Variants in FAM81A observed in about 807,000 individuals in gnomAD.
FAM81A encodes protein FAM81A.
Under a neutral mutation model 46.7 loss-of-function variants are expected in FAM81A, and 19 were observed. The ratio of observed to expected loss-of-function variants is 0.41; its 90% CI spans 0.28 to 0.60. FAM81A has a LOEUF of 0.60. Among genes scored for constraint, FAM81A ranks in the 20% least tolerant of loss-of-function variants. The pLI, the probability that FAM81A is intolerant of heterozygous loss-of-function variation, is 0.34. For synonymous variants in FAM81A, 183 were observed against 152.9 expected, an observed-to-expected ratio of 1.20 and a Z score of -1.45; for missense variants, 377 against 453.5, an observed-to-expected ratio of 0.83 and a Z score of 1.53.
chr15:59,441,431 T>C (rs1460693268), intron 1 of FAM81A, among the ~76,000 whole-genome samples: 1 of 152,262 alleles, frequency 6.6e-6, no homozygotes, highest in African/African-American at 2.4e-5. Flanking sequence ...AAGTTTTCCA[T>C]TTTAGTAAAT....
intron 1 of FAM81A, chr15:59,439,195 A>G (rs1472335505): frequency 6.6e-6 from 1 of 152,116 alleles, no homozygotes; most frequent in Admixed American, 6.5e-5. Context: ...ATTATTTCAT[A>G]GGAGTAACCA....
At chr15:59,398,759 G>GAAAAAAAAA (rs71119468) in intron 1 of FAM81A, among the ~76,000 whole-genome samples, 2 of 41,408 alleles carry the variant, frequency 4.8e-5, no homozygotes, top group Admixed American at 4.3e-4. Flanking sequence ...CTCTGTCTCA[G>GAAAAAAAAA]AAAAAAAAAA....
chr15:59,447,497 G>C (rs1328105179), intron 1 of FAM81A, among the ~76,000 whole-genome samples: 1 of 152,218 alleles, frequency 6.6e-6, no homozygotes, highest in African/African-American at 2.4e-5. Context: ...GAAGGAGACA[G>C]AGTGTGCTTA....
At chr15:59,399,240 A>C (rs1290895821) in intron 1 of FAM81A, among the ~76,000 whole-genome samples, 2 of 152,304 alleles carry the variant, frequency 1.3e-5, no homozygotes, top group East Asian at 3.9e-4. Flanking sequence ...GAAGGGGAAG[A>C]AAGGCATGTC....
At chr15:59,516,580 T>G (rs1222601125) in intron 7 of FAM81A, 65 bp from the exon 8 acceptor site, 4 of 1,495,500 alleles carry the variant, frequency 2.7e-6, no homozygotes, top group Non-Finnish European at 2.7e-6. Context: ...ATATTATGGC[T>G]GATGTGAATG....
intron 3 of FAM81A, among the ~76,000 whole-genome samples, chr15:59,487,174 ATATATATATATATTT>A: frequency 1.8e-4 from 1 of 5,636 alleles, no homozygotes; most frequent in Admixed American, 3.0e-3. Context: ...GCACTCCTGA[ATATATATATATATTT>A]TATATATATA....
At chr15:59,409,761 A>G (rs2081112540) in intron 2 of FAM81A, among the ~76,000 whole-genome samples, 1 of 152,158 alleles carries the variant, frequency 6.6e-6, no homozygotes, top group Non-Finnish European at 1.5e-5. Flanking sequence ...TGAACGTTTT[A>G]TCTGCTTTTT....
chr15:59,510,090 G>A (rs1234172547), intron 6 of FAM81A, among the ~76,000 whole-genome samples: 1 of 152,166 alleles, frequency 6.6e-6, no homozygotes, highest in African/African-American at 2.4e-5. Flanking sequence ...TACATGGTGG[G>A]TGCAGTGGCT....
chr15:59,406,885 GTT>G (rs35428955), intron 2 of FAM81A: 331 of 138,032 alleles, frequency 2.4e-3, no homozygotes, highest in East Asian at 0.011. Flanking sequence ...TGGAGGGAAA[GTT>G]TTTTTTTTTT....
At chr15:59,424,449 A>T (rs1413797411) in intron 2 of FAM81A, among the ~76,000 whole-genome samples, 2 of 152,158 alleles carry the variant, frequency 1.3e-5, no homozygotes, top group African/African-American at 4.8e-5. Context: ...CCTGTATACT[A>T]ATGCTAATCA....
intron 3 of FAM81A, among the ~76,000 whole-genome samples, chr15:59,473,534 C>A (rs760901622): frequency 2.0e-5 from 3 of 152,168 alleles, no homozygotes; most frequent in South Asian, 2.1e-4. Flanking sequence ...AAACTTTTCC[C>A]ATGTTTCACA....
At chr15:59,479,443 G>A (rs998443632) in intron 3 of FAM81A, among the ~76,000 whole-genome samples, 3 of 150,880 alleles carry the variant, frequency 2.0e-5, no homozygotes, top group African/African-American at 4.9e-5. Flanking sequence ...CCCGGGAGGC[G>A]GAGGTTGCAG....
chr15:59,476,172 A>G (rs1220663775), intron 3 of FAM81A, among the ~76,000 whole-genome samples: 1 of 151,884 alleles, frequency 6.6e-6, no homozygotes, highest in Non-Finnish European at 1.5e-5. Context: ...ATCACCTCTT[A>G]TAGGCCCCAC....
chr15:59,497,949 T>C (rs918337525), intron 4 of FAM81A, among the ~76,000 whole-genome samples: 7 of 152,230 alleles, frequency 4.6e-5, no homozygotes, highest in Non-Finnish European at 8.8e-5. Context: ...TTTGAACTCT[T>C]GGGCTCAAGC....
chr15:59,489,312 T>TAC (rs2081957903), intron 3 of FAM81A, among the ~76,000 whole-genome samples: 1 of 149,376 alleles, frequency 6.7e-6, no homozygotes, highest in African/African-American at 2.5e-5. Flanking sequence ...CATACATACA[T>TAC]ATATACATAC....
At chr15:59,434,898 T>TTAC (rs2081236382), upstream of FAM81A, among the ~76,000 whole-genome samples, 1 of 152,254 alleles carries the variant, frequency 6.6e-6, no homozygotes, top group South Asian at 2.1e-4. Flanking sequence ...AGGAGCCTAC[T>TTAC]TACTATCCTT....
In FAM81A at chr15:59,454,561, C is replaced by G. The variant is rs576936284; in HGVS notation, c.-77-3989C>G. Among the ~76,000 whole-genome samples the G allele has an allele frequency of 1.5e-3, 232 of 152,160 alleles. 2 individuals are homozygous for G. The Middle Eastern group carries it at 0.027, about 18-fold the overall frequency. On this transcript the variant is annotated intron_variant, in intron 1 of 8. Transcript: ENST00000288228. ...TTTTGATTTAGATAATAGCATTTCA[C>G]TTTACTCTTCTGTGAACTTCTGAAT...
At chr15:59,511,087 C>G (rs1392469406) in intron 6 of FAM81A, among the ~76,000 whole-genome samples, 5 of 151,948 alleles carry the variant, frequency 3.3e-5, no homozygotes, top group Admixed American at 2.0e-4. Context: ...CAGAGCGAGA[C>G]TCCATCTCAA....
chr15:59,420,354 G>T (rs1392232537), intron 2 of FAM81A, among the ~76,000 whole-genome samples: 1 of 152,184 alleles, frequency 6.6e-6, no homozygotes, highest in African/African-American at 2.4e-5. Context: ...GTGGGTTCAT[G>T]TCATTGTTCT....
Sources: gnomAD v4.1 joint callset for allele counts (sites outside exome capture counted in the v4.1 genomes callset) on GRCh38, gnomAD v4.1.1 for gene constraint, MANE v1.5 for transcripts, NCBI Gene and HGNC (gene_info 2026-07-23, HGNC 2026-07-21) for gene names.